The following IL20RB variants were observed in gnomAD, a reference collection of about 807,000 sequenced individuals.
IL20RB encodes the protein interleukin 20 receptor subunit beta.
IL20RB carries 21 observed loss-of-function variants against 33.3 expected under a neutral mutation model. The observed-to-expected ratio is 0.63, with a 90% CI of 0.45 to 0.91. IL20RB has a LOEUF of 0.91. IL20RB is among the 40% of genes least tolerant of loss of function. The pLI, the probability that IL20RB is intolerant of heterozygous loss-of-function variation, is 0.00. For missense variants in IL20RB, 345 were observed against 384.8 expected (o/e 0.90, Z 0.86); for synonymous variants, 147 against 146.8 (o/e 1.00, Z -0.01).
At chr3:136,963,365 C>T (rs1479683784) in intron 1 of IL20RB, among the ~76,000 whole-genome samples, 2 of 152,162 alleles carry the variant, frequency 1.3e-5, no homozygotes, top group African/African-American at 2.4e-5. Flanking sequence ...AAGAAACTGC[C>T]AAACTATTTT....
chr3:136,972,625 G>A (rs2108186042), intron 1 of IL20RB, among the ~76,000 whole-genome samples: 1 of 151,926 alleles, frequency 6.6e-6, no homozygotes, highest in East Asian at 1.9e-4. Flanking sequence ...ATTTTATGTG[G>A]TATCAGTTGT....
At chr3:136,962,866 C>CAA (rs34403415) in intron 1 of IL20RB, among the ~76,000 whole-genome samples, 28 of 113,194 alleles carry the variant, frequency 2.5e-4, no homozygotes, top group Non-Finnish European at 4.8e-4. Flanking sequence ...GGATTTTGGC[C>CAA]AAAAAAAAAA....
chr3:137,006,238 G>A (rs1313857408), intron 6 of IL20RB, among the ~76,000 whole-genome samples: 1 of 132,134 alleles, frequency 7.6e-6, no homozygotes, highest in Non-Finnish European at 1.8e-5. Flanking sequence ...TGACAATTAT[G>A]TGTCTTGGGG....
At chr3:136,971,007 T>C (rs551798630) in intron 1 of IL20RB, among the ~76,000 whole-genome samples, 1 of 152,314 alleles carries the variant, frequency 6.6e-6, no homozygotes, top group South Asian at 2.1e-4. Context: ...TGTTACTGTA[T>C]ATAATGTATA....
chr3:136,973,938 T>A (rs1477588023), intron 1 of IL20RB, among the ~76,000 whole-genome samples: 1 of 152,198 alleles, frequency 6.6e-6, no homozygotes, highest in African/African-American at 2.4e-5. Context: ...TCCCTTTTAG[T>A]CCATATATGT....
At chr3:136,967,248 C>T (rs1039894219) in intron 1 of IL20RB, among the ~76,000 whole-genome samples, 2 of 151,524 alleles carry the variant, frequency 1.3e-5, no homozygotes, top group East Asian at 2.0e-4. Context: ...TCCTGGGTAT[C>T]CTTGTTGACT....
intron 6 of IL20RB, among the ~76,000 whole-genome samples, chr3:137,002,790 T>A (rs79105994): frequency 0.55 from 83,009 of 151,980 alleles, 23,377 homozygotes; most frequent in East Asian, 0.77. Context: ...CCCATTTGTC[T>A]ATTTTGGCTT....
chr3:137,001,760 A>G (rs1229612207), intron 6 of IL20RB, among the ~76,000 whole-genome samples: 2 of 152,110 alleles, frequency 1.3e-5, no homozygotes, highest in Non-Finnish European at 2.9e-5. Flanking sequence ...AGTTTATATC[A>G]CCAAGTAATA....
At chr3:136,987,229 C>T (rs1456752634) in intron 3 of IL20RB, among the ~76,000 whole-genome samples, 4 of 152,196 alleles carry the variant, frequency 2.6e-5, no homozygotes, top group South Asian at 2.1e-4. Context: ...TTTGACAGGG[C>T]GCTGATTCGT....
chr3:136,987,934 G>A (rs1004019348), intron 3 of IL20RB, among the ~76,000 whole-genome samples: 7 of 152,180 alleles, frequency 4.6e-5, no homozygotes, highest in Non-Finnish European at 1.0e-4. Flanking sequence ...GCCCGCAAGC[G>A]CCGCGTGCAG....
chr3:136,963,470 C>T (rs887457588), intron 1 of IL20RB, among the ~76,000 whole-genome samples: 1 of 152,096 alleles, frequency 6.6e-6, no homozygotes, highest in African/African-American at 2.4e-5. Context: ...ACTTTGAAAA[C>T]TTTTAGCCAT....
At chr3:137,006,572 C>G (rs1356966756) in intron 6 of IL20RB, among the ~76,000 whole-genome samples, 1 of 152,102 alleles carries the variant, frequency 6.6e-6, no homozygotes, top group Non-Finnish European at 1.5e-5. Context: ...TCTACTGAAG[C>G]TTGTGCATGC....
chr3:136,959,766 T>C (rs1941167454), intron 1 of IL20RB, among the ~76,000 whole-genome samples: 1 of 152,216 alleles, frequency 6.6e-6, no homozygotes, highest in Non-Finnish European at 1.5e-5. Context: ...CACAAGGATG[T>C]CATAGCCAGA....
chr3:136,987,575 C>T (rs982048947), intron 3 of IL20RB, among the ~76,000 whole-genome samples: 2 of 152,206 alleles, frequency 1.3e-5, no homozygotes, highest in Admixed American at 6.5e-5. Context: ...GCCAGTCCTG[C>T]GCCCTGCGTC....
At chr3:136,981,265 T>TTTAAAATAAA (rs1941766228) in intron 2 of IL20RB, among the ~76,000 whole-genome samples, 2 of 146,424 alleles carry the variant, frequency 1.4e-5, no homozygotes, top group African/African-American at 5.0e-5. Context: ...GCTATTTAAA[T>TTTAAAATAAA]TTAAATTAAA....
At chr3:136,985,433 G>T (rs1337100429) in intron 3 of IL20RB, among the ~76,000 whole-genome samples, 1 of 151,380 alleles carries the variant, frequency 6.6e-6, no homozygotes, top group African/African-American at 2.4e-5. Context: ...CACCTCCTGG[G>T]TTCTAGCGTT....
chr3:136,998,137 T>C (rs1464311831), intron 6 of IL20RB, among the ~76,000 whole-genome samples: 1 of 149,520 alleles, frequency 6.7e-6, no homozygotes, highest in Non-Finnish European at 1.5e-5. Flanking sequence ...TTCTTTTTTT[T>C]TTTTTTTTTT....
rs776564185 is a variant in IL20RB, at chr3:136,958,177, G to A, written c.64G>A (p.Ala22Thr). The A allele has an allele frequency of 9.3e-6, 15 of 1,608,240 alleles. No homozygotes were observed. Among genetic ancestry groups the A allele is most frequent in the East Asian group, 8.9e-5 (4 of 44,854 alleles). Residue 22 changes from alanine to threonine, a missense_variant, in exon 1 of 7, where the codon GCA becomes ACA. By Grantham distance (58) the Ala-to-Thr change is moderately conservative. Transcript: ENST00000329582. Reference sequence around the variant, plus strand: ...AAGTCTTTTCATGTGGTTTTTCTACGCATTGATTCCATGTTTGCTCACAGG... The same window carrying A: ...AAGTCTTTTCATGTGGTTTTTCTACACATTGATTCCATGTTTGCTCACAGG... Reference protein sequence around the residue: ...WTSLFMWFFYALIPCLLTDEV... With the variant: ...WTSLFMWFFYTLIPCLLTDEV...
intron 3 of IL20RB, among the ~76,000 whole-genome samples, chr3:136,983,149 G>A (rs569443919): frequency 1.8e-4 from 28 of 152,008 alleles, no homozygotes; most frequent in Middle Eastern, 3.4e-3. Context: ...GTGCAGTGGC[G>A]TGATCTCAGC....
Sources: allele counts gnomAD v4.1 joint callset (sites outside exome capture counted in the v4.1 genomes callset), GRCh38; gene constraint gnomAD v4.1.1; transcripts MANE v1.5; gene names NCBI Gene and HGNC (gene_info 2026-07-23, HGNC 2026-07-21).